MID1: variants seen among roughly 807,000 people sequenced by gnomAD.
MID1 encodes the protein midline 1.
Under a neutral mutation model 40.4 loss-of-function variants are expected in MID1, and 7 were observed. The observed-to-expected ratio is 0.17, with a 90% CI of 0.10 to 0.33. The LOEUF (loss-of-function observed/expected upper bound fraction) is 0.33, where lower values mean the gene tolerates loss of function less well. Ranked by LOEUF, MID1 falls within the 10% of genes least tolerant of loss-of-function variation. The pLI, the probability that MID1 is intolerant of heterozygous loss-of-function variation, is 1.00. For synonymous variants in MID1, 229 were observed against 221.2 expected (o/e 1.04, Z -0.31); for missense variants, 367 against 558.5 (o/e 0.66, Z 3.46).
chrX:10,633,705 T>C (rs1936077838), intron 1 of MID1, among the ~76,000 whole-genome samples: 1 of 111,782 alleles, frequency 8.9e-6, no homozygotes, highest in South Asian at 3.8e-4. Context: ...CCTCCCGCCT[T>C]GGCCTCCCAA....
At chrX:10,473,707 G>A (rs1000484267) in intron 6 of MID1, among the ~76,000 whole-genome samples, 6 of 112,348 alleles carry the variant, frequency 5.3e-5, no homozygotes, top group African/African-American at 1.9e-4. Context: ...TAAGTGCAGC[G>A]CACATCTGGC....
At chrX:10,571,350 T>C (rs929556747) in intron 1 of MID1, among the ~76,000 whole-genome samples, 1 of 112,192 alleles carries the variant, frequency 8.9e-6, no homozygotes, top group African/African-American at 3.2e-5. Flanking sequence ...TACAATGGCA[T>C]AGATAGCATT....
chrX:10,682,495 T>G, intron 1 of MID1, among the ~76,000 whole-genome samples: 1 of 111,464 alleles, frequency 9.0e-6, no homozygotes, highest in Non-Finnish European at 1.9e-5. Context: ...AAATAAAAAT[T>G]TTATTTTTCA....
chrX:10,825,340 C>A (rs1166836816), intron 1 of MID1, among the ~76,000 whole-genome samples: 1 of 112,131 alleles, frequency 8.9e-6, no homozygotes, highest in African/African-American at 3.2e-5. Flanking sequence ...ATGGCTGCAG[C>A]TTTCACTGCC....
At chrX:10,458,754 T>TACA (rs1262452521) in intron 8 of MID1, among the ~76,000 whole-genome samples, 1 of 111,684 alleles carries the variant, frequency 9.0e-6, no homozygotes, top group African/African-American at 3.3e-5. Flanking sequence ...TCCTCTAGGA[T>TACA]ACAACACTTG....
intron 1 of MID1, among the ~76,000 whole-genome samples, chrX:10,769,940 C>G (rs2043754702): frequency 9.0e-6 from 1 of 111,714 alleles, no homozygotes; most frequent in Admixed American, 9.5e-5. Context: ...TTTTGACTGT[C>G]CTGCCATTTC....
chrX:10,800,259 G>A (rs909260097), intron 1 of MID1, among the ~76,000 whole-genome samples: 2 of 112,008 alleles, frequency 1.8e-5, no homozygotes, highest in South Asian at 7.4e-4. Flanking sequence ...AATTGAGGGT[G>A]GTCTCTGGGC....
chrX:10,488,710 A>G (rs1218645123), intron 4 of MID1, among the ~76,000 whole-genome samples: 1 of 110,853 alleles, frequency 9.0e-6, no homozygotes, highest in Non-Finnish European at 1.9e-5. Context: ...TGGGCTGGGG[A>G]AGGCAGACCC....
intron 1 of MID1, among the ~76,000 whole-genome samples, chrX:10,601,614 G>A (rs979773641): frequency 1.8e-5 from 2 of 111,532 alleles, no homozygotes; most frequent in African/African-American, 6.5e-5. Context: ...TATAAGAACC[G>A]TACAAATAGC....
In MID1 at chrX:10,459,148, T is replaced by A. The variant is rs1321755929; in HGVS notation, c.1447+498A>T. Reference sequence around the variant, plus strand: ...ACCTCAGATGTGACAACTAAAAACCTCTTCCAGATATTACTAAATGTCCTG... The same window carrying A: ...ACCTCAGATGTGACAACTAAAAACCACTTCCAGATATTACTAAATGTCCTG... On this transcript the variant is annotated intron_variant, in intron 8 of 9. Coordinates refer to ENST00000317552, the MANE Select transcript of MID1 (RefSeq NM_000381.4). Among the ~76,000 whole-genome samples the A allele has an allele frequency of 3.6e-5, 4 of 110,514 alleles. No individual in the cohort carries two copies. The South Asian group carries it at 1.2e-3, about 32-fold the overall frequency.
At chrX:10,602,749 T>C (rs751855508) in intron 1 of MID1, among the ~76,000 whole-genome samples, 1 of 112,569 alleles carries the variant, frequency 8.9e-6, no homozygotes, top group Non-Finnish European at 1.9e-5. Context: ...AAACTTTTCT[T>C]ACAGTCCCTA....
chrX:10,650,208 A>G (rs1432923048), intron 1 of MID1, among the ~76,000 whole-genome samples: 2 of 111,463 alleles, frequency 1.8e-5, no homozygotes, highest in Non-Finnish European at 3.8e-5. Flanking sequence ...TTGGAGCACA[A>G]GGAACTTCCC....
chrX:10,808,890 C>A (rs1218017170), intron 1 of MID1, among the ~76,000 whole-genome samples: 1 of 111,905 alleles, frequency 8.9e-6, no homozygotes, highest in Non-Finnish European at 1.9e-5. Context: ...GTCTAAAACA[C>A]CAAAAGCAAT....
chrX:10,499,509 G>A (rs758743222), intron 3 of MID1, among the ~76,000 whole-genome samples: 11 of 111,560 alleles, frequency 9.9e-5, no homozygotes, highest in African/African-American at 3.6e-4. Flanking sequence ...TCGTACCTAA[G>A]AAACCATTGC....
At chrX:10,686,736 C>CCA (rs1183195612) in intron 1 of MID1, among the ~76,000 whole-genome samples, 2 of 112,318 alleles carry the variant, frequency 1.8e-5, no homozygotes, top group African/African-American at 6.5e-5. Flanking sequence ...GACAAAGCAG[C>CCA]CAAACTGCAA....
chrX:10,500,428 G>C (rs1931483369), intron 3 of MID1, among the ~76,000 whole-genome samples: 1 of 111,819 alleles, frequency 8.9e-6, no homozygotes, highest in African/African-American at 3.2e-5. Context: ...TTGAAACCAG[G>C]GAAGTTGAAT....
chrX:10,557,557 C>A (rs1934171152), intron 2 of MID1, among the ~76,000 whole-genome samples: 1 of 111,818 alleles, frequency 8.9e-6, no homozygotes, highest in Admixed American at 9.5e-5. Flanking sequence ...CGGAAAACTT[C>A]TTTTACTACT....
chrX:10,477,374 A>G lies in MID1; in HGVS notation c.1014-2624T>C, dbSNP rs139201818. ...ATCTTGATGGTAGGAACTTTGTTAC[A>G]TGGGAACCAAAAGGATCAAAGTTCC... On this transcript the variant is annotated intron_variant, in intron 5 of 9. Coordinates refer to ENST00000317552, the MANE Select transcript of MID1 (RefSeq NM_000381.4). Among the ~76,000 whole-genome samples, 582 of 112,489 alleles carry G rather than the reference A, an allele frequency of 5.2e-3. 5 individuals carry two copies. Among genetic ancestry groups the G allele is most frequent in the African/African-American group, 0.018 (556 of 30,978 alleles).
chrX:10,455,876 A>G (rs1166780286), intron 8 of MID1, among the ~76,000 whole-genome samples: 2 of 112,205 alleles, frequency 1.8e-5, no homozygotes, highest in African/African-American at 3.2e-5. Flanking sequence ...AGATTTAAGT[A>G]TTAAAAAAAT....
Sources: gnomAD v4.1 joint callset for allele counts (sites outside exome capture counted in the v4.1 genomes callset) on GRCh38, gnomAD v4.1.1 for gene constraint, MANE v1.5 for transcripts, NCBI Gene and HGNC (gene_info 2026-07-23, HGNC 2026-07-21) for gene names.